The following DNAH8 variants were observed in gnomAD, a reference collection of about 807,000 sequenced individuals.
The protein encoded by DNAH8 is axonemal beta dynein heavy chain 8.
DNAH8 carries 382 observed loss-of-function variants against 562.1 expected under a neutral mutation model. The observed-to-expected ratio is 0.68, with a 90% CI of 0.63 to 0.74. The LOEUF (loss-of-function observed/expected upper bound fraction) is 0.74, where lower values mean the gene tolerates loss of function less well. Ranked by LOEUF, DNAH8 falls within the 30% of genes least tolerant of loss-of-function variation. The pLI, the probability that DNAH8 is intolerant of heterozygous loss-of-function variation, is 0.00. For missense variants in DNAH8, 5,203 were observed against 5,620.4 expected (o/e 0.93, Z 2.37); for synonymous variants, 1,881 against 1,919.4 (o/e 0.98, Z 0.52).
intron 4 of DNAH8, among the ~76,000 whole-genome samples, chr6:38,731,099 G>A (rs544403353): frequency 6.6e-5 from 10 of 152,216 alleles, no homozygotes; most frequent in Non-Finnish European, 8.8e-5. Flanking sequence ...ATGTAAACTC[G>A]CAAATAGTGA....
At position 38,906,268 on chromosome 6, in the gene DNAH8, C is replaced by G; in HGVS notation, c.9209C>G (p.Thr3070Ser). Residue 3070 changes from threonine to serine, a missense_variant, in exon 63 of 93, where the codon ACT (threonine) becomes AGT (serine). Around this residue, in one of 6 missense-constraint regions of DNAH8, gnomAD observed 977 missense variants for 1,061.8 expected, o/e 0.92. Coordinates refer to ENST00000327475, the MANE Select transcript of DNAH8 (RefSeq NM_001206927.2). ...TTTCTTCTTAGGTCTTACAATGTGA[C>G]TAATCTAACAGATGATTTAAAAGCT... ...QITLTRSYNV[T>S]NLTDDLKALY... 1 of 1,593,080 alleles carries G rather than the reference C, an allele frequency of 6.3e-7. No homozygotes were observed. Among genetic ancestry groups the G allele is most frequent in the Non-Finnish European group, 8.6e-7 (1 of 1,166,844 alleles).
chr6:38,899,807 A>G lies in DNAH8; in HGVS notation c.9095A>G (p.Asn3032Ser). ...CGAATAATTCGAACGTCGTGTGGAA[A>G]TGCATTGCTGGTGGGTGTTGGTGGT... ...ISRIIRTSCGNALLVGVGGSG... is the reference protein window; with the variant it reads ...ISRIIRTSCGSALLVGVGGSG... The change falls in exon 62 of 93, where the codon AAT (asparagine) becomes AGT (serine). Residue 3032 changes from asparagine to serine, a missense_variant. Coordinates refer to ENST00000327475, the MANE Select transcript of DNAH8 (RefSeq NM_001206927.2). 1 of 1,613,804 alleles carries G rather than the reference A, an allele frequency of 6.2e-7. No homozygotes were observed. The highest frequency in any genetic ancestry group is 8.5e-7 in the Non-Finnish European group (1 of 1,179,826).
chr6:38,858,549 C>G (rs984989161), intron 42 of DNAH8, among the ~76,000 whole-genome samples: 1 of 152,164 alleles, frequency 6.6e-6, no homozygotes, highest in Non-Finnish European at 1.5e-5. Context: ...ACATGCTGAC[C>G]AGTGCTTTGG....
In DNAH8 at chr6:38,761,817, CT is replaced by C; in HGVS notation, c.1617+18del. ...AAGAAAATTCAGGTTTGTAGAAGTACTTTTATTTTCATAAACTAAATCTTTT... is the reference window on the plus strand; with the variant it reads ...AAGAAAATTCAGGTTTGTAGAAGTACTTTATTTTCATAAACTAAATCTTTT... On this transcript the variant is annotated intron_variant, in intron 11 of 92. Coordinates refer to ENST00000327475, the MANE Select transcript of DNAH8 (RefSeq NM_001206927.2). 1 of 1,434,224 alleles carries C rather than the reference CT, an allele frequency of 7.0e-7. No individual in the cohort carries two copies. Among genetic ancestry groups the C allele is most frequent in the Non-Finnish European group, 9.5e-7 (1 of 1,057,804 alleles). 88.8% of individuals were successfully genotyped at this position (1,434,224 alleles called of 1,614,324 possible).
chr6:38,937,982 G>C lies in DNAH8; in HGVS notation c.11572G>C (p.Val3858Leu), dbSNP rs1783104585. Residue 3858 changes from valine to leucine, a missense_variant, in exon 78 of 93, where the codon GTA becomes CTA. Physicochemically the swap from Val to Leu is conservative, Grantham distance 32. Transcript: ENST00000327475. ...YKLSATKGSL[V>L]DDESLIGVLR... ...CCTGTTTTGAATTTCAGGCTCATTGGTAGATGACGAATCTCTCATTGGTGT... is the reference window on the plus strand; with the variant it reads ...CCTGTTTTGAATTTCAGGCTCATTGCTAGATGACGAATCTCTCATTGGTGT... 1.9e-6 allele frequency: 3 copies of C among 1,613,596 alleles called. No homozygotes were observed. The highest frequency in any genetic ancestry group is 1.7e-6 in the Non-Finnish European group (2 of 1,179,884).
chr6:38,898,589 CA>C (rs1287404411), intron 61 of DNAH8, among the ~76,000 whole-genome samples: 1 of 152,154 alleles, frequency 6.6e-6, no homozygotes, highest in Non-Finnish European at 1.5e-5. Flanking sequence ...AAATGTCTTT[CA>C]AGGGCAAATA....
intron 26 of DNAH8, among the ~76,000 whole-genome samples, chr6:38,817,651 A>G (rs187986895): frequency 5.9e-5 from 9 of 152,318 alleles, no homozygotes; most frequent in Admixed American, 1.3e-4. Flanking sequence ...TTCAAGTAGT[A>G]TACCTTTTTT....
chr6:38,805,661 C>T, intron 23 of DNAH8, 65 bp downstream of exon 23: 1 of 854,326 alleles, frequency 1.2e-6, no homozygotes, highest in South Asian at 1.6e-5. Flanking sequence ...ATAGATAACC[C>T]CATATGGTGC....
intron 8 of DNAH8, among the ~76,000 whole-genome samples, chr6:38,747,384 CTTTT>C (rs55729629): frequency 6.2e-5 from 7 of 113,758 alleles, no homozygotes; most frequent in Non-Finnish European, 1.0e-4. Flanking sequence ...TTTTCTTTTT[CTTTT>C]TTTTTTTTTT....
chr6:38,889,825 T>G (rs1369812424), intron 57 of DNAH8, among the ~76,000 whole-genome samples: 1 of 152,314 alleles, frequency 6.6e-6, no homozygotes, highest in African/African-American at 2.4e-5. Context: ...TCAATTAGTG[T>G]GAACAAACTC....
intron 62 of DNAH8, 113 bp downstream of exon 62, chr6:38,900,019 T>A: frequency 1.1e-6 from 1 of 911,630 alleles, no homozygotes; most frequent in Non-Finnish European, 1.6e-6. Context: ...AGGTAAACTT[T>A]AAGTATTATA....
chr6:38,994,058 A>T (rs1211303750), intron 88 of DNAH8, among the ~76,000 whole-genome samples: 1 of 125,442 alleles, frequency 8.0e-6, no homozygotes, highest in African/African-American at 2.8e-5. Context: ...TCAGAATCTC[A>T]TCAACAGAGC....
At chr6:38,959,736 C>T (rs536385870) in intron 82 of DNAH8, among the ~76,000 whole-genome samples, 3 of 151,944 alleles carry the variant, frequency 2.0e-5, no homozygotes, top group Non-Finnish European at 2.9e-5. Context: ...ATCAAAATAC[C>T]AATGTCATTG....
Position 38,886,934 on chromosome 6 carries a change from A to G in DNAH8, c.8403A>G (p.Gln2801=). The change falls in exon 57 of 93, where the codon CAA becomes CAG. Residue 2801 remains glutamine (Q), a synonymous_variant. Transcript: ENST00000327475. ...HPGGGRNDIP[Q]RLKRQFTVFN... ...GAGGTGGTCGAAATGATATTCCACA[A>G]CGTTTAAAAAGACAATTTACTGTGT... 2 of 1,614,028 alleles carry G rather than the reference A, an allele frequency of 1.2e-6. No homozygotes were observed. Among genetic ancestry groups the G allele is most frequent in the Non-Finnish European group, 1.7e-6 (2 of 1,179,938 alleles).
chr6:38,780,695 T>G (rs555761870), intron 15 of DNAH8, among the ~76,000 whole-genome samples: 12 of 151,654 alleles, frequency 7.9e-5, no homozygotes, highest in African/African-American at 2.9e-4. Context: ...TACTGGAGGG[T>G]GGGAGAAGGG....
At chr6:38,792,952 A>C (rs528076453) in intron 21 of DNAH8, among the ~76,000 whole-genome samples, 13 of 135,334 alleles carry the variant, frequency 9.6e-5, no homozygotes, top group African/African-American at 3.5e-4. Flanking sequence ...CTAATTAAAA[A>C]CATTTTTTTT....
chr6:38,968,277 A>C (rs1763104668), intron 82 of DNAH8, among the ~76,000 whole-genome samples: 2 of 152,192 alleles, frequency 1.3e-5, no homozygotes, highest in South Asian at 4.1e-4. Flanking sequence ...TAAGCAATAA[A>C]AGGAAATATT....
chr6:38,925,876 A>T (rs1782076173), intron 73 of DNAH8, among the ~76,000 whole-genome samples, 179 bp from the exon 74 acceptor site: 1 of 151,806 alleles, frequency 6.6e-6, no homozygotes, highest in Non-Finnish European at 1.5e-5. Flanking sequence ...GTTTTTTTTT[A>T]ATGTGAATGT....
chr6:38,736,218 C>T (rs568351488), intron 5 of DNAH8, among the ~76,000 whole-genome samples: 4 of 152,246 alleles, frequency 2.6e-5, no homozygotes, highest in Non-Finnish European at 4.4e-5. Flanking sequence ...GTTTCTCCAT[C>T]CCTCTATTCT....
Sources: allele counts gnomAD v4.1 joint callset (sites outside exome capture counted in the v4.1 genomes callset), GRCh38; gene constraint gnomAD v4.1.1; regional missense constraint gnomAD v4.1.1; transcripts MANE v1.5; gene names NCBI Gene and HGNC (gene_info 2026-07-23, HGNC 2026-07-21).